The following WWTR1 variants were observed in gnomAD, a reference collection of about 807,000 sequenced individuals.
WWTR1 encodes the protein WW domain-containing transcription regulator protein 1.
WWTR1 carries 13 observed loss-of-function variants against 40.1 expected under a neutral mutation model. That is an observed-to-expected ratio of 0.32 (90% CI 0.21 to 0.52). WWTR1 has a LOEUF of 0.52. Ranked by LOEUF, WWTR1 falls within the 20% of genes least tolerant of loss-of-function variation. The pLI, the probability that WWTR1 is intolerant of heterozygous loss-of-function variation, is 0.97. For synonymous variants in WWTR1, 230 were observed against 210.1 expected (o/e 1.09, Z -0.82); for missense variants, 436 against 523.1 (o/e 0.83, Z 1.63).
At chr3:149,576,987 G>A (rs1257640581) in intron 2 of WWTR1, among the ~76,000 whole-genome samples, 19 of 152,152 alleles carry the variant, frequency 1.2e-4, no homozygotes. Flanking sequence ...GAGAAGCCCT[G>A]TCTCTACTAA....
intron 1 of WWTR1, among the ~76,000 whole-genome samples, chr3:149,692,736 C>T (rs6768112): frequency 0.091 from 13,907 of 152,094 alleles, 812 homozygotes; most frequent in African/African-American, 0.16. Context: ...CAGGTTCAAG[C>T]GATTTTCCTG....
chr3:149,682,240 T>G (rs533805027), intron 1 of WWTR1, among the ~76,000 whole-genome samples: 2 of 152,314 alleles, frequency 1.3e-5, no homozygotes, highest in African/African-American at 4.8e-5. Context: ...TCAGTCTGGC[T>G]TTGTAACTTT....
At chr3:149,698,734 T>C (rs577624872) in intron 1 of WWTR1, among the ~76,000 whole-genome samples, 1 of 152,362 alleles carries the variant, frequency 6.6e-6, no homozygotes, top group East Asian at 1.9e-4. Flanking sequence ...TCTGAGCACC[T>C]GCAGAATTAA....
intron 3 of WWTR1, among the ~76,000 whole-genome samples, chr3:149,557,061 C>CTTTTTTTTTTTTTTTTTTT (rs3044118): frequency 6.2e-5 from 4 of 64,374 alleles, no homozygotes; most frequent in African/African-American, 6.2e-5. Context: ...CTGGAATCTT[C>CTTTTTTTTTTTTTTTTTTT]TTTTTTTTTT....
intron 4 of WWTR1, among the ~76,000 whole-genome samples, chr3:149,721,587 C>T (rs950106874): frequency 6.6e-6 from 1 of 152,160 alleles, no homozygotes; most frequent in African/African-American, 2.4e-5. Context: ...GAGTCTTTGT[C>T]TGGCTTTGGT....
intron 3 of WWTR1, among the ~76,000 whole-genome samples, chr3:149,553,504 T>C (rs893808447): frequency 4.6e-5 from 7 of 152,124 alleles, no homozygotes; most frequent in African/African-American, 1.4e-4. Flanking sequence ...CATTTTGTTC[T>C]TCAATCCTCC....
Position 149,628,073 on chromosome 3 carries a change from C to CGA in WWTR1, c.431+28801_431+28802dup, listed in dbSNP as rs1553801217. Among the ~76,000 whole-genome samples, 5 of 98,494 alleles carry CGA rather than the reference C, an allele frequency of 5.1e-5. 1 individual carries two copies. The East Asian group carries it at 1.6e-3, about 31-fold the overall frequency. The allele number at this position is 98,494 out of a possible 152,430, so 64.6% of individuals were successfully genotyped here. A position where few individuals can be genotyped will look rare whatever the true frequency, so the allele number is the denominator to read the frequency against. On this transcript the variant is annotated intron_variant, in intron 2 of 6. Coordinates refer to ENST00000360632, the MANE Select transcript of WWTR1 (RefSeq NM_015472.6). ...GGGCAACAAGAGCGAAACTCCGTCT[C>CGA]GAAAAAAAAAAAAAAAGCCAGGCGA...
chr3:149,557,047 C>T (rs1473462461), intron 3 of WWTR1, among the ~76,000 whole-genome samples: 2 of 143,662 alleles, frequency 1.4e-5, no homozygotes, highest in African/African-American at 5.1e-5. Context: ...CCTAGTGTTC[C>T]CTACTGGAAT....
Position 149,527,939 on chromosome 3 carries a change from C to T in WWTR1, c.802G>A (p.Glu268Lys), listed in dbSNP as rs1392783723. 6.2e-7 allele frequency: 1 copy of T among 1,614,084 alleles called. No individual in the cohort carries two copies. The highest frequency in any genetic ancestry group is 1.1e-5 in the South Asian group (1 of 91,074). The change falls in exon 5 of 7, where the codon GAA becomes AAA. Residue 268 changes from glutamate (E) to lysine (K), a missense_variant. Glu to Lys is a moderately conservative substitution (Grantham distance 56). Transcript: ENST00000360632. ...TGAACTGGGGCAAGAGTCTCAGCTTCCATGGGGAGCTGTCGACAGAGGGCA... is the reference window on the plus strand; with the variant it reads ...TGAACTGGGGCAAGAGTCTCAGCTTTCATGGGGAGCTGTCGACAGAGGGCA... Reference protein sequence around the residue: ...EAALCRQLPMEAETLAPVQAA... With the variant: ...EAALCRQLPMKAETLAPVQAA...
chr3:149,718,673 T>C lies in WWTR1; in HGVS notation n.460-1107A>G, dbSNP rs112192142. On this transcript the variant is annotated intron_variant and non_coding_transcript_variant, in intron 4 of 6. Transcript: ENST00000474080. ...CTACCCCTGGCAACCATCATTCTAC[T>C]TTCTGTCTCTATGATTTTGACTACT... 6.4e-3 allele frequency among the ~76,000 whole-genome samples: 972 copies of C among 152,300 alleles called. 11 individuals are homozygous for C. Among genetic ancestry groups the C allele is most frequent in the African/African-American group, 0.022 (929 of 41,556 alleles).
chr3:149,713,530 G>T (rs933317119), intron 5 of WWTR1, among the ~76,000 whole-genome samples: 3 of 151,996 alleles, frequency 2.0e-5, no homozygotes, highest in African/African-American at 7.2e-5. Context: ...ACAGGTACCC[G>T]CCACCACGCC....
chr3:149,606,361 G>T (rs1739487162), intron 2 of WWTR1, among the ~76,000 whole-genome samples: 1 of 152,132 alleles, frequency 6.6e-6, no homozygotes, highest in Non-Finnish European at 1.5e-5. Context: ...GGCAGTCTTG[G>T]TTTCAAACAT....
intron 2 of WWTR1, among the ~76,000 whole-genome samples, chr3:149,641,305 A>ATACG (rs765752411): frequency 1.1e-4 from 16 of 152,138 alleles, no homozygotes; most frequent in Non-Finnish European, 2.1e-4. Flanking sequence ...CCTAGACTCC[A>ATACG]TACGATATGT....
chr3:149,698,583 C>T lies in WWTR1; in HGVS notation c.-108+4541G>A, dbSNP rs79558701. Reference sequence around the variant, plus strand: ...GGGACACTGTGGTGGGGACTGGAATCCACATCTCCCCTAGGCATTGCCTTA... The same window carrying T: ...GGGACACTGTGGTGGGGACTGGAATTCACATCTCCCCTAGGCATTGCCTTA... On this transcript the variant is annotated intron_variant, in intron 1 of 7. Transcript: ENST00000465804. Among the ~76,000 whole-genome samples the T allele has an allele frequency of 1.4e-3, 219 of 152,344 alleles. 1 individual carries two copies. The East Asian group carries it at 0.041, about 29-fold the overall frequency.
chr3:149,565,465 A>G (rs539724006), intron 3 of WWTR1, among the ~76,000 whole-genome samples: 2 of 152,250 alleles, frequency 1.3e-5, no homozygotes, highest in South Asian at 4.2e-4. Context: ...CCACATTAAG[A>G]TAAGTGGAAC....
In WWTR1 at chr3:149,719,435, T is replaced by A. The variant is rs535391052; in HGVS notation, n.460-1869A>T. On this transcript the variant is annotated intron_variant and non_coding_transcript_variant, in intron 4 of 6. Coordinates refer to the WWTR1 transcript ENST00000474080. ...ATCCACCTGCCTCGGCTTCCCAAAG[T>A]GCTGGGATTACAGGCGTGGCCACTG... 2.0e-5 allele frequency among the ~76,000 whole-genome samples: 3 copies of A among 152,324 alleles called. No homozygotes were observed. In the South Asian group the frequency reaches 6.2e-4, roughly 32 times the overall value.
exon 5 of WWTR1, chr3:149,717,557 G>A (rs1443782297): frequency 6.6e-6 from 1 of 152,180 alleles, no homozygotes; most frequent in East Asian, 1.9e-4. Flanking sequence ...CAAATCCAGA[G>A]GAGAAAATCC....
Position 149,680,565 on chromosome 3 carries a change from CAAA to C in WWTR1, c.-107-10677_-107-10675del, listed in dbSNP as rs1397461245. Reference sequence around the variant, plus strand: ...TCTCAAAAAAAACCAACCAACCAAACAAACAAACAAACAAAAAAACGTATTTGG... The same window carrying C: ...TCTCAAAAAAAACCAACCAACCAAACCAAACAAACAAAAAAACGTATTTGG... On this transcript the variant is annotated intron_variant, in intron 1 of 7. Transcript: ENST00000465804. Among the ~76,000 whole-genome samples the C allele has an allele frequency of 2.2e-5, 3 of 134,660 alleles. No individual in the cohort carries two copies. In the East Asian group the frequency reaches 6.6e-4, roughly 30 times the overall value. 88.3% of individuals were successfully genotyped at this position (134,660 alleles called of 152,430 possible).
intron 2 of WWTR1, among the ~76,000 whole-genome samples, chr3:149,644,578 T>C (rs958685519): frequency 1.2e-4 from 18 of 152,192 alleles, no homozygotes; most frequent in African/African-American, 4.3e-4. Context: ...AGGCATTGCA[T>C]CCAGTTCTCC....
Sources: allele counts gnomAD v4.1 joint callset (sites outside exome capture counted in the v4.1 genomes callset), GRCh38; gene constraint gnomAD v4.1.1; transcripts MANE v1.5; gene names NCBI Gene and HGNC (gene_info 2026-07-23, HGNC 2026-07-21).